The following RBPJ variants were observed in gnomAD, a reference collection of about 807,000 sequenced individuals.
RBPJ encodes recombining binding protein suppressor of hairless.
A neutral mutation model predicts 67.8 loss-of-function variants in RBPJ; 9 were observed. The observed-to-expected ratio is 0.13, with a 90% CI of 0.08 to 0.23. The LOEUF (loss-of-function observed/expected upper bound fraction) is 0.23. Ranked by LOEUF, RBPJ falls within the 10% of genes least tolerant of loss-of-function variation. The pLI is 1.00. For synonymous variants in RBPJ, 198 were observed against 203.3 expected, an observed-to-expected ratio of 0.97 and a Z score of 0.22; for missense variants, 305 against 595.6, an observed-to-expected ratio of 0.51 and a Z score of 5.08.
At chr4:26,182,935 T>C (rs1408249310) in intron 1 of RBPJ, among the ~76,000 whole-genome samples, 2 of 152,214 alleles carry the variant, frequency 1.3e-5, no homozygotes, top group East Asian at 3.8e-4. Context: ...ATAACATGCA[T>C]AGAACTGTCA....
chr4:26,208,281 C>T (rs1280556612), intron 1 of RBPJ, among the ~76,000 whole-genome samples: 2 of 152,162 alleles, frequency 1.3e-5, no homozygotes, highest in African/African-American at 4.8e-5. Flanking sequence ...GAGTCATTTA[C>T]CTAAGTTCCC....
intron 1 of RBPJ, among the ~76,000 whole-genome samples, chr4:26,231,887 T>TTA (rs1287557950): frequency 6.6e-6 from 1 of 150,948 alleles, no homozygotes; most frequent in Admixed American, 6.6e-5. Context: ...TTTTATTTAT[T>TTA]TTTATTTATT....
the RBPJ span, among the ~76,000 whole-genome samples, chr4:26,141,765 T>C: frequency 6.6e-6 from 1 of 152,184 alleles, no homozygotes; most frequent in Non-Finnish European, 1.5e-5. Context: ...CTAGCTGTAA[T>C]TTTGCGTTCA....
At chr4:26,173,429 C>T (rs111384143) in intron 1 of RBPJ, among the ~76,000 whole-genome samples, 15 of 152,284 alleles carry the variant, frequency 9.9e-5, no homozygotes, top group African/African-American at 3.6e-4. Flanking sequence ...AGCCACTGCG[C>T]CCGGCTTGCA....
upstream of RBPJ, among the ~76,000 whole-genome samples, chr4:26,315,075 G>A (rs183302130): frequency 1.4e-5 from 2 of 148,088 alleles, no homozygotes; most frequent in African/African-American, 5.0e-5. Context: ...AACCCAGGAG[G>A]GGGAGGTTGC....
intron 1 of RBPJ, among the ~76,000 whole-genome samples, chr4:26,347,947 TTTTTTTCTTTTTC>T (rs1560283652): frequency 2.0e-5 from 3 of 151,820 alleles, no homozygotes; most frequent in South Asian, 4.2e-4. Context: ...GTTTCCTTTT[TTTTTTTCTTTTTC>T]TTTTTCTTTT....
At chr4:26,388,588 A>G (rs1731158374) in intron 2 of RBPJ, among the ~76,000 whole-genome samples, 3 of 141,590 alleles carry the variant, frequency 2.1e-5, no homozygotes, top group South Asian at 4.7e-4. Context: ...ATAGAGACAT[A>G]GAAGATTACA....
At chr4:26,382,969 G>A (rs1730475528) in intron 1 of RBPJ, among the ~76,000 whole-genome samples, 1 of 152,194 alleles carries the variant, frequency 6.6e-6, no homozygotes, top group South Asian at 2.1e-4. Flanking sequence ...GAATGTGATT[G>A]CATATGCATT....
intron 2 of RBPJ, among the ~76,000 whole-genome samples, chr4:26,401,887 CTTTTTTTT>C (rs58935903): frequency 3.9e-5 from 5 of 129,710 alleles, no homozygotes; most frequent in South Asian, 4.9e-4. Flanking sequence ...TTCTTTCTTT[CTTTTTTTT>C]TTTTTTTTTT....
chr4:26,378,936 G>T (rs1410060156), intron 1 of RBPJ, among the ~76,000 whole-genome samples: 1 of 152,096 alleles, frequency 6.6e-6, no homozygotes, highest in African/African-American at 2.4e-5. Context: ...TGAGGCAGGA[G>T]AATTGCTTGA....
At chr4:26,213,034 C>T (rs1220414535) in intron 1 of RBPJ, among the ~76,000 whole-genome samples, 1 of 152,130 alleles carries the variant, frequency 6.6e-6, no homozygotes, top group Non-Finnish European at 1.5e-5. Flanking sequence ...TATGTGTCTC[C>T]TCTTCGAGCT....
At chr4:26,162,400 A>G (rs1385261594), upstream of RBPJ, among the ~76,000 whole-genome samples, 1 of 152,184 alleles carries the variant, frequency 6.6e-6, no homozygotes, top group East Asian at 1.9e-4. Flanking sequence ...TACTTAAGAG[A>G]AGCTAGAAAG....
intron 1 of RBPJ, among the ~76,000 whole-genome samples, chr4:26,290,286 C>T (rs1256738094): frequency 7.2e-6 from 1 of 138,424 alleles, no homozygotes; most frequent in Non-Finnish European, 1.5e-5. Flanking sequence ...CTGCAGTGAG[C>T]TATGATTGCA....
At chr4:26,354,009 C>T (rs944857421) in intron 1 of RBPJ, among the ~76,000 whole-genome samples, 9 of 151,938 alleles carry the variant, frequency 5.9e-5, no homozygotes, top group Non-Finnish European at 1.5e-5. Context: ...CGGCTCACTG[C>T]AAGCTCTGCC....
At chr4:26,324,781 G>A (rs1407757752) in intron 1 of RBPJ, among the ~76,000 whole-genome samples, 1 of 152,136 alleles carries the variant, frequency 6.6e-6, no homozygotes, top group Non-Finnish European at 1.5e-5. Context: ...TGCCCACCTT[G>A]GCCTCCCAAA....
At chr4:26,270,365 G>GAAAGAAAGAAAGAAAGAA (rs1720843352) in intron 1 of RBPJ, among the ~76,000 whole-genome samples, 1 of 24,780 alleles carries the variant, frequency 4.0e-5, no homozygotes, top group Non-Finnish European at 8.8e-5. Flanking sequence ...GAGAAAGAAA[G>GAAAGAAAGAAAGAAAGAA]AAAGAAAGAA....
At chr4:26,193,733 C>A (rs999874747) in intron 1 of RBPJ, among the ~76,000 whole-genome samples, 2 of 152,162 alleles carry the variant, frequency 1.3e-5, no homozygotes, top group African/African-American at 4.8e-5. Flanking sequence ...CCAGAGGGAG[C>A]TTTTTAATCC....
chr4:26,214,002 CA>C (rs1718526273), intron 1 of RBPJ, among the ~76,000 whole-genome samples: 1 of 151,958 alleles, frequency 6.6e-6, no homozygotes, highest in Admixed American at 6.6e-5. Flanking sequence ...TATCACTTAG[CA>C]ACATGGAAGA....
At chr4:26,141,215 A>G in the RBPJ span, among the ~76,000 whole-genome samples, 68,428 of 152,164 alleles carry the variant, frequency 0.45, 15,844 homozygotes, top group Non-Finnish European at 0.52. Flanking sequence ...TAAATAATCA[A>G]TTTGCTCTTG....
Sources: allele counts gnomAD v4.1 joint callset (sites outside exome capture counted in the v4.1 genomes callset), GRCh38; gene constraint gnomAD v4.1.1; transcripts MANE v1.5; gene names NCBI Gene and HGNC (gene_info 2026-07-23, HGNC 2026-07-21).